Variants in BMP7 observed in about 807,000 individuals in gnomAD.
BMP7 encodes osteogenic protein 1.
In BMP7, 12 loss-of-function variants were observed where a neutral mutation model predicts 41.2. That is an observed-to-expected ratio of 0.29 (90% CI 0.19 to 0.47). The LOEUF is 0.47. Ranked by LOEUF, BMP7 falls within the 20% of genes least tolerant of loss-of-function variation. The pLI is 0.99. For missense variants in BMP7, 467 were observed against 606.0 expected, an observed-to-expected ratio of 0.77 and a Z score of 2.41; for synonymous variants, 248 against 250.0, an observed-to-expected ratio of 0.99 and a Z score of 0.07.
intron 1 of BMP7, among the ~76,000 whole-genome samples, chr20:57,260,698 G>A (rs1231581550): frequency 6.6e-6 from 1 of 152,148 alleles, no homozygotes; most frequent in Non-Finnish European, 1.5e-5. Context: ...CCACCACTAC[G>A]CTGTAAAGGC....
intron 2 of BMP7, among the ~76,000 whole-genome samples, chr20:57,221,028 T>C (rs1381305351): frequency 1.3e-5 from 2 of 152,194 alleles, no homozygotes. Context: ...TGGGTCGTGC[T>C]TTCATCCTTT....
chr20:57,227,120 C>A (rs1300093397), intron 2 of BMP7, among the ~76,000 whole-genome samples: 1 of 152,210 alleles, frequency 6.6e-6, no homozygotes, highest in East Asian at 1.9e-4. Flanking sequence ...AGCTACCACA[C>A]CCGGCCTAAA....
At chr20:57,187,939 A>G (rs148998187) in intron 3 of BMP7, among the ~76,000 whole-genome samples, 5 of 152,356 alleles carry the variant, frequency 3.3e-5, no homozygotes, top group Admixed American at 2.6e-4. Flanking sequence ...AAGTTTGGAA[A>G]AAGGTTCAGA....
chr20:57,253,042 A>G lies in BMP7; in HGVS notation c.418+12663T>C, dbSNP rs553327343. On this transcript the variant is annotated intron_variant, in intron 1 of 6. Transcript: ENST00000395863. The stretch of plus-strand genomic sequence containing the variant: ...AAACTGCACACTAAACGTACTAAAA[A>G]GGGCACTTCCAAGCTCCAGAGGCGC... 8.9e-4 allele frequency among the ~76,000 whole-genome samples: 136 copies of G among 152,320 alleles called. 1 individual carries two copies. Among genetic ancestry groups the G allele is most frequent in the African/African-American group, 3.2e-3 (134 of 41,568 alleles).
chr20:57,196,971 G>C (rs113429312), intron 3 of BMP7, among the ~76,000 whole-genome samples: 1 of 151,324 alleles, frequency 6.6e-6, no homozygotes, highest in African/African-American at 2.4e-5. Flanking sequence ...GTATGATCTC[G>C]GTTCACTGCA....
At chr20:57,187,589 G>A (rs1045995201) in intron 3 of BMP7, among the ~76,000 whole-genome samples, 7 of 110,128 alleles carry the variant, frequency 6.4e-5, no homozygotes, top group South Asian at 3.3e-4. Flanking sequence ...CTCTCTACAC[G>A]ATTGAGGGAG....
At chr20:57,187,259 T>C (rs77982569) in intron 3 of BMP7, 9,487 of 152,300 alleles carry the variant, frequency 0.062, 462 homozygotes, top group African/African-American at 0.13. Flanking sequence ...GCAAGTTGTA[T>C]GCTGGGGCCT....
chr20:57,210,709 T>C (rs2095259301), intron 2 of BMP7, among the ~76,000 whole-genome samples: 1 of 152,208 alleles, frequency 6.6e-6, no homozygotes, highest in South Asian at 2.1e-4. Flanking sequence ...GGCCACACAG[T>C]GCACACTGTC....
chr20:57,169,630 GC>G lies in BMP7; in HGVS notation c.*1328del, dbSNP rs1983769814. On this transcript the variant is annotated 3_prime_UTR_variant, in exon 7 of 7. Coordinates refer to ENST00000395863, the MANE Select transcript of BMP7 (RefSeq NM_001719.3). ...ATCAGGGTCTGCAAATGAAGAGACA[GC>G]CACGGGTGCCCTTGCCAGGGCCCAG... 6.6e-6 allele frequency: 1 copy of G among 152,268 alleles called. No individual in the cohort carries two copies. Among genetic ancestry groups the G allele is most frequent in the Non-Finnish European group, 1.5e-5 (1 of 68,064 alleles). 9.4% of individuals were successfully genotyped at this position (152,268 alleles called of 1,614,324 possible). A position where few individuals can be genotyped will look rare whatever the true frequency, so the allele number is the denominator to read the frequency against.
At position 57,206,431 on chromosome 20, in the gene BMP7, T is replaced by G. The variant is rs568955417; in HGVS notation, c.612-3808A>C. Among the ~76,000 whole-genome samples, 149 of 152,256 alleles carry G rather than the reference T, an allele frequency of 9.8e-4. 1 individual carries two copies. Among genetic ancestry groups the G allele is most frequent in the African/African-American group, 3.2e-3 (131 of 41,550 alleles). ...TGTCTCCAGGGACACACCTGATAAG[T>G]GGCAGAACCAGGCGACAGCGCAGGA... is the stretch of plus-strand genomic sequence containing the variant. On this transcript the variant is annotated intron_variant, in intron 2 of 6. Coordinates refer to ENST00000395863, the MANE Select transcript of BMP7 (RefSeq NM_001719.3).
intron 2 of BMP7, among the ~76,000 whole-genome samples, chr20:57,204,877 T>C (rs1984696645): frequency 6.6e-6 from 1 of 152,236 alleles, no homozygotes; most frequent in African/African-American, 2.4e-5. Context: ...CCAAGACTCA[T>C]GTTGAAAATC....
chr20:57,202,876 C>T (rs927168320), intron 2 of BMP7, among the ~76,000 whole-genome samples: 3 of 152,164 alleles, frequency 2.0e-5, no homozygotes, highest in African/African-American at 4.8e-5. Flanking sequence ...AATCTCACCC[C>T]ATAAATTGTT....
At chr20:57,198,406 G>A (rs1447754166) in intron 3 of BMP7, among the ~76,000 whole-genome samples, 2 of 152,192 alleles carry the variant, frequency 1.3e-5, no homozygotes, top group African/African-American at 2.4e-5. Flanking sequence ...CCTCTCTTCT[G>A]TATTAAGGGA....
intron 1 of BMP7, among the ~76,000 whole-genome samples, chr20:57,255,280 C>T (rs2066129892): frequency 6.6e-6 from 1 of 152,214 alleles, no homozygotes; most frequent in Non-Finnish European, 1.5e-5. Flanking sequence ...GCCCCTTCAG[C>T]ATCCTCCTCT....
intron 6 of BMP7, among the ~76,000 whole-genome samples, chr20:57,172,537 G>A (rs553550260): frequency 6.6e-5 from 10 of 152,174 alleles, no homozygotes; most frequent in Admixed American, 1.3e-4. Context: ...TGATCAGTAG[G>A]CAGGAAAGGC....
chr20:57,215,572 C>T lies in BMP7; in HGVS notation c.611+12657G>A, dbSNP rs1011755917. ...GCTGGATTCCAGCTCACAGAACACACCAAGAACTCTGGTGAAACATCAAGA... is the reference window on the plus strand; with the variant it reads ...GCTGGATTCCAGCTCACAGAACACATCAAGAACTCTGGTGAAACATCAAGA... On this transcript the variant is annotated intron_variant, in intron 2 of 6. Coordinates refer to ENST00000395863, the MANE Select transcript of BMP7 (RefSeq NM_001719.3). The surrounding 1 kb of genome is among the most constrained non-coding windows in gnomAD (Gnocchi z 4.2). 1.3e-5 allele frequency: 2 copies of T among 152,182 alleles called. No individual in the cohort carries two copies. Among genetic ancestry groups the T allele is most frequent in the East Asian group, 3.9e-4 (2 of 5,180 alleles). 9.4% of individuals were successfully genotyped at this position (152,182 alleles called of 1,614,324 possible). A position where few individuals can be genotyped will look rare whatever the true frequency, so the allele number is the denominator to read the frequency against.
intron 3 of BMP7, among the ~76,000 whole-genome samples, chr20:57,199,828 G>A (rs1984580864): frequency 6.6e-6 from 1 of 152,232 alleles, no homozygotes; most frequent in Non-Finnish European, 1.5e-5. Context: ...CTCACTGCCT[G>A]GGCGCGCACA....
intron 4 of BMP7, among the ~76,000 whole-genome samples, chr20:57,178,994 A>T (rs1984003688): frequency 6.6e-6 from 1 of 152,218 alleles, no homozygotes; most frequent in Non-Finnish European, 1.5e-5. Flanking sequence ...AAGTAAAGCC[A>T]CGACATTTGG....
At chr20:57,265,573 C>A in intron 1 of BMP7, 132 bp downstream of exon 1, 1 of 1,404,040 alleles carries the variant, frequency 7.1e-7, no homozygotes, top group Non-Finnish European at 9.8e-7. Context: ...GGGTGGGAGA[C>A]CCTCGGGCAG....
Sources: allele counts gnomAD v4.1 joint callset (sites outside exome capture counted in the v4.1 genomes callset), GRCh38; gene constraint gnomAD v4.1.1; non-coding constraint Gnocchi (gnomAD v3.1); transcripts MANE v1.5; gene names NCBI Gene and HGNC (gene_info 2026-07-23, HGNC 2026-07-21).